The following WDR31 variants were observed in gnomAD, a reference collection of about 807,000 sequenced individuals.
WDR31 encodes the protein WD repeat domain 31.
In WDR31, 30 loss-of-function variants were observed where a neutral mutation model predicts 47.3. The ratio of observed to expected loss-of-function variants is 0.63; its 90% CI spans 0.47 to 0.86. The LOEUF is 0.86. Ranked by LOEUF, WDR31 falls within the 40% of genes least tolerant of loss-of-function variation. The pLI is 0.00. For synonymous variants in WDR31, 137 were observed against 159.4 expected (o/e 0.86, Z 1.06); for missense variants, 406 against 442.9 (o/e 0.92, Z 0.75).
Position 113,323,084 on chromosome 9 carries a change from C to T in WDR31, c.396G>A (p.Leu132=). 1 of 1,614,176 alleles carries T rather than the reference C, an allele frequency of 6.2e-7. No homozygotes were observed. Among genetic ancestry groups the T allele is most frequent in the Non-Finnish European group, 8.5e-7 (1 of 1,180,038 alleles). ...GCTGCCTTGGTTGTGAGGAACCGTGCAAGTCCCACATCATGACCATCCTGT... is the reference window on the plus strand; with the variant it reads ...GCTGCCTTGGTTGTGAGGAACCGTGTAAGTCCCACATCATGACCATCCTGT... ...SRDRMVMMWD[L]HGSSQPRQQL... The change falls in exon 6 of 11, where the codon TTG becomes TTA. Residue 132 remains leucine (L), a synonymous_variant. Transcript: ENST00000374193.
At position 113,320,386 on chromosome 9, in the gene WDR31, C is replaced by T. The variant is rs573911229; in HGVS notation, c.751G>A (p.Gly251Ser). The change falls in exon 9 of 11, where the codon GGC (glycine) becomes AGC (serine). Residue 251 changes from glycine (G) to serine (S), a missense_variant. Gly to Ser is a moderately conservative substitution (Grantham distance 56, BLOSUM62 0). Transcript: ENST00000374193. ...GCTTCACAGCCTTCTCCTCCAAAGC[C>T]ATTGCTGCAGGAGATACACTTGTGT... is the stretch of plus-strand genomic sequence containing the variant. ...DGHKCISCSNGFGGEGCEATL... is the reference protein window; with the variant it reads ...DGHKCISCSNSFGGEGCEATL... 1 of 1,614,242 alleles carries T rather than the reference C, an allele frequency of 6.2e-7. No homozygotes were observed. The highest frequency in any genetic ancestry group is 2.2e-5 in the East Asian group (1 of 44,892).
chr9:113,316,775 C>A lies in WDR31; in HGVS notation c.1078G>T (p.Glu360Ter), dbSNP rs1413745381. ...CAGAATGCTGCCACTTCCTGCAGTT[C>A]CAGCCCTTGGCTGTGGTCCATTCTG... ...LLRMDHSQGL[E>*]LQEVAAF is the part of the protein sequence containing the mutation. Residue 360 changes from glutamate (E) to a stop codon, truncating the protein, a stop_gained, in exon 11 of 11, where the codon GAA becomes TAA. Coordinates refer to ENST00000374193, the MANE Select transcript of WDR31 (RefSeq NM_001012361.4). LOFTEE classifies it high-confidence loss of function. 6.2e-7 allele frequency: 1 copy of A among 1,613,968 alleles called. No individual in the cohort carries two copies. The highest frequency in any genetic ancestry group is 8.5e-7 in the Non-Finnish European group (1 of 1,179,990).
intron 5 of WDR31, among the ~76,000 whole-genome samples, chr9:113,327,419 GCACACA>G (rs35798479): frequency 5.4e-4 from 80 of 148,938 alleles, no homozygotes; most frequent in Admixed American, 8.8e-4. Flanking sequence ...AGTGTTACAT[GCACACA>G]CACACACACA....
At chr9:113,317,375 C>A (rs973385091) in intron 10 of WDR31, among the ~76,000 whole-genome samples, 3 of 152,238 alleles carry the variant, frequency 2.0e-5, no homozygotes, top group African/African-American at 7.2e-5. Context: ...TTAGAGGCCA[C>A]TCTTCTAAAA....
intron 5 of WDR31, among the ~76,000 whole-genome samples, chr9:113,327,450 C>G (rs911456340): frequency 2.0e-5 from 3 of 151,534 alleles, no homozygotes; most frequent in Admixed American, 1.3e-4. Context: ...CACGTGCACA[C>G]ACACACAAGT....
intron 5 of WDR31, 21 bp downstream of exon 5, chr9:113,328,860 T>A: frequency 1.3e-6 from 2 of 1,595,456 alleles, no homozygotes; most frequent in Non-Finnish European, 1.7e-6. Context: ...ATTGCCTTCA[T>A]AATAATCATT....
Position 113,316,699 on chromosome 9 carries a change from T to C in WDR31, c.*50A>G, listed in dbSNP as rs376252080. ...GATAACTGGGAAAGACACAAAGCCA[T>C]GCTGAGGAGGAGCCATGGTTTGATA... On this transcript the variant is annotated 3_prime_UTR_variant, in exon 11 of 11. Coordinates refer to ENST00000374193, the MANE Select transcript of WDR31 (RefSeq NM_001012361.4). 3.4e-5 allele frequency: 54 copies of C among 1,579,638 alleles called. No individual in the cohort carries two copies. Among genetic ancestry groups the C allele is most frequent in the Non-Finnish European group, 4.3e-5 (50 of 1,162,180 alleles).
chr9:113,320,479 G>GC lies in WDR31; in HGVS notation c.657dup (p.Leu220AlafsTer18). 1 of 1,613,988 alleles carries GC rather than the reference G, an allele frequency of 6.2e-7. No individual in the cohort carries two copies. On this transcript the variant is annotated frameshift_variant, in exon 9 of 11. Transcript: ENST00000374193. LOFTEE classifies it high-confidence loss of function. ...GCAGGAAACATATGAGCTACCTGCA[G>GC]CCCCCGACTGTCCCATAATCTGAAA...
Position 113,316,443 on chromosome 9 carries a change from T to A in WDR31, c.*306A>T, listed in dbSNP as rs543814977. 2.6e-5 allele frequency: 6 copies of A among 235,232 alleles called. No homozygotes were observed. The South Asian group carries it at 7.8e-4, about 31-fold the overall frequency. The allele number at this position is 235,232 out of a possible 1,614,324, so 14.6% of individuals were successfully genotyped here. A position where few individuals can be genotyped will look rare whatever the true frequency, so the allele number is the denominator to read the frequency against. The stretch of plus-strand genomic sequence containing the variant: ...GACAGAGGCCTGCCACTCTTACATT[T>A]ACAGGTCATCATTCTGAGCAATACA... On this transcript the variant is annotated 3_prime_UTR_variant, in exon 11 of 11. Transcript: ENST00000374193.
chr9:113,331,819 A>T, intron 3 of WDR31, 88 bp downstream of exon 3: 1 of 1,235,230 alleles, frequency 8.1e-7, no homozygotes, highest in Non-Finnish European at 1.2e-6. Flanking sequence ...GAAGGCCATC[A>T]ACATTCGCCC....
intron 1 of WDR31, among the ~76,000 whole-genome samples, chr9:113,336,834 G>A (rs2118864813): frequency 6.6e-6 from 1 of 152,292 alleles, no homozygotes; most frequent in South Asian, 2.1e-4. Flanking sequence ...GATCTGCAGA[G>A]TAAGGGTAGA....
chr9:113,317,019 C>A (rs1833221084), intron 10 of WDR31, 110 bp from the exon 11 acceptor site: 1 of 1,319,610 alleles, frequency 7.6e-7, no homozygotes, highest in South Asian at 1.6e-5. Flanking sequence ...CATATCTAAC[C>A]CGTATGAGAG....
At chr9:113,321,379 T>G (rs1178160770) in intron 8 of WDR31, 132 bp downstream of exon 8, 1 of 856,870 alleles carries the variant, frequency 1.2e-6, no homozygotes, top group Non-Finnish European at 1.8e-6. Flanking sequence ...CCAGCACCAG[T>G]GAAGGGCAGA....
In WDR31 at chr9:113,328,889, T is replaced by A. The variant is rs1011323868; in HGVS notation, c.316A>T (p.Ile106Phe). ...AATCATTTGAAAATTACCTTGGTGA[T>A]CTCATGTTCATGTCCTTTGAACCTT... ...VKRFKGHEHEITKVACIPKSS... is the reference protein window; with the variant it reads ...VKRFKGHEHEFTKVACIPKSS... The change falls in exon 5 of 11, where the codon ATC becomes TTC. Residue 106 changes from isoleucine to phenylalanine, a missense_variant. Physicochemically the swap from Ile to Phe is conservative, Grantham distance 21. Transcript: ENST00000374193. The A allele has an allele frequency of 1.9e-6, 3 of 1,613,574 alleles. No individual in the cohort carries two copies. The highest frequency in any genetic ancestry group is 2.5e-6 in the Non-Finnish European group (3 of 1,179,420).
intron 1 of WDR31, among the ~76,000 whole-genome samples, chr9:113,338,768 GCCACCACGC>G (rs1355933350): frequency 6.6e-6 from 1 of 152,022 alleles, no homozygotes; most frequent in Non-Finnish European, 1.5e-5. Flanking sequence ...ACAGGCGCCT[GCCACCACGC>G]CCAGCTAATT....
At position 113,329,090 on chromosome 9, in the gene WDR31, G is replaced by C. The variant is rs1244328499; in HGVS notation, c.250-135C>G. ...TCAGGAACTTGCTCAAAGCATTCGG[G>C]GTTCCCTGTTGTGGCCGTCCCTCCT... On this transcript the variant is annotated intron_variant, in intron 4 of 10. Transcript: ENST00000374193. 6 of 782,402 alleles carry C rather than the reference G, an allele frequency of 7.7e-6. No homozygotes were observed. In the Admixed American group the frequency reaches 1.1e-4, roughly 15 times the overall value. The allele number at this position is 782,402 out of a possible 1,614,324, so 48.5% of individuals were successfully genotyped here.
chr9:113,323,239 G>A, intron 5 of WDR31, 84 bp from the exon 6 acceptor site: 1 of 1,476,456 alleles, frequency 6.8e-7, no homozygotes, highest in Non-Finnish European at 9.2e-7. Context: ...AGATGAGTCT[G>A]CATAACTCCC....
chr9:113,320,091 T>G (rs1249794413), intron 9 of WDR31, among the ~76,000 whole-genome samples: 1 of 152,208 alleles, frequency 6.6e-6, no homozygotes, highest in Non-Finnish European at 1.5e-5. Context: ...AGCTAACTTT[T>G]TATTTTTTTA....
At chr9:113,326,306 C>T (rs1187225296) in intron 5 of WDR31, among the ~76,000 whole-genome samples, 1 of 152,214 alleles carries the variant, frequency 6.6e-6, no homozygotes, top group Non-Finnish European at 1.5e-5. Flanking sequence ...CTTCCCATTG[C>T]CTTTACACAT....
Sources: allele counts gnomAD v4.1 joint callset (sites outside exome capture counted in the v4.1 genomes callset), GRCh38; gene constraint gnomAD v4.1.1; transcripts MANE v1.5; gene names NCBI Gene and HGNC (gene_info 2026-07-23, HGNC 2026-07-21).